PAPPA2: variants seen among roughly 807,000 people sequenced by gnomAD.
The protein encoded by PAPPA2 is pappalysin 2.
PAPPA2 carries 86 observed loss-of-function variants against 176.4 expected under a neutral mutation model. The observed-to-expected ratio is 0.49, with a 90% CI of 0.41 to 0.58. PAPPA2 has a LOEUF of 0.58. Ranked by LOEUF, PAPPA2 falls within the 20% of genes least tolerant of loss-of-function variation. PAPPA2 has a pLI of 0.00. For missense variants in PAPPA2, 2,073 were observed against 2,256.9 expected, an observed-to-expected ratio of 0.92 and a Z score of 1.65; for synonymous variants, 809 against 852.2, an observed-to-expected ratio of 0.95 and a Z score of 0.88.
chr1:176,569,276 A>G (rs1345865395), intron 2 of PAPPA2, among the ~76,000 whole-genome samples: 1 of 152,172 alleles, frequency 6.6e-6, no homozygotes, highest in African/African-American at 2.4e-5. Context: ...AGTGCCACAG[A>G]TACAGCACTC....
intron 1 of PAPPA2, among the ~76,000 whole-genome samples, chr1:176,464,357 T>G (rs1431218157): frequency 6.6e-6 from 1 of 152,206 alleles, no homozygotes; most frequent in Non-Finnish European, 1.5e-5. Context: ...TCATTCTTTC[T>G]TTCCTTTCAA....
intron 1 of PAPPA2, among the ~76,000 whole-genome samples, chr1:176,498,581 C>A (rs1436293929): frequency 6.6e-6 from 1 of 151,918 alleles, no homozygotes; most frequent in African/African-American, 2.4e-5. Flanking sequence ...GAAACCCAGT[C>A]TCTCCTAAAA....
chr1:176,824,879 G>C (rs1666797217), intron 21 of PAPPA2, among the ~76,000 whole-genome samples: 1 of 152,204 alleles, frequency 6.6e-6, no homozygotes, highest in Admixed American at 6.5e-5. Flanking sequence ...CTGAAATGCT[G>C]TTAGGGTCTG....
At chr1:176,579,750 T>C (rs1388030267) in intron 2 of PAPPA2, among the ~76,000 whole-genome samples, 7 of 152,232 alleles carry the variant, frequency 4.6e-5, no homozygotes, top group Non-Finnish European at 1.0e-4. Context: ...TACTGGCATT[T>C]GCTAACTGTG....
At chr1:176,669,630 A>G (rs765249749) in intron 3 of PAPPA2, among the ~76,000 whole-genome samples, 9 of 152,178 alleles carry the variant, frequency 5.9e-5, no homozygotes, top group Non-Finnish European at 5.9e-5. Flanking sequence ...TAAGTCAGTA[A>G]AAGATAGTAT....
At chr1:176,784,994 T>A (rs1664874309) in intron 17 of PAPPA2, among the ~76,000 whole-genome samples, 1 of 152,130 alleles carries the variant, frequency 6.6e-6, no homozygotes, top group East Asian at 1.9e-4. Context: ...GTGACTTAAT[T>A]ACCTTCCAAA....
At chr1:176,591,173 G>A (rs1299692924) in intron 2 of PAPPA2, among the ~76,000 whole-genome samples, 1 of 150,688 alleles carries the variant, frequency 6.6e-6, no homozygotes, top group Non-Finnish European at 1.5e-5. Context: ...TTATATAAAG[G>A]CAGGTTCTGA....
intron 4 of PAPPA2, among the ~76,000 whole-genome samples, chr1:176,681,941 G>A (rs895669588): frequency 1.3e-5 from 2 of 152,102 alleles, no homozygotes; most frequent in African/African-American, 2.4e-5. Context: ...GGGTTGGTAC[G>A]GGTAGGACCA....
intron 14 of PAPPA2, among the ~76,000 whole-genome samples, chr1:176,749,871 TA>T (rs1489138290): frequency 1.3e-5 from 2 of 152,228 alleles, no homozygotes; most frequent in African/African-American, 4.8e-5. Flanking sequence ...TTTATCCATA[TA>T]CCTATTGAAG....
intron 12 of PAPPA2, among the ~76,000 whole-genome samples, chr1:176,723,956 G>A (rs1467415196): frequency 6.6e-6 from 1 of 152,110 alleles, no homozygotes; most frequent in Non-Finnish European, 1.5e-5. Context: ...TTTTACAGGT[G>A]AGTAAAATAA....
intron 20 of PAPPA2, among the ~76,000 whole-genome samples, chr1:176,796,631 T>TC (rs397982046): frequency 5.3e-5 from 8 of 150,538 alleles, no homozygotes; most frequent in Non-Finnish European, 1.2e-4. Flanking sequence ...TTTCTTTCTT[T>TC]TTCTTTCTTT....
At chr1:176,618,389 C>T (rs1655396011) in intron 3 of PAPPA2, among the ~76,000 whole-genome samples, 2 of 152,120 alleles carry the variant, frequency 1.3e-5, no homozygotes, top group Non-Finnish European at 2.9e-5. Context: ...TCTTAGTTAC[C>T]ATACCAAAAT....
chr1:176,640,548 C>T (rs1301844259), intron 3 of PAPPA2, among the ~76,000 whole-genome samples: 1 of 151,800 alleles, frequency 6.6e-6, no homozygotes, highest in East Asian at 1.9e-4. Flanking sequence ...CATAGTATTC[C>T]ATGGTGTATA....
At chr1:176,638,771 A>G (rs781311896) in intron 3 of PAPPA2, among the ~76,000 whole-genome samples, 3 of 151,876 alleles carry the variant, frequency 2.0e-5, no homozygotes, top group Non-Finnish European at 4.4e-5. Context: ...GAGCTTTGTG[A>G]AAGTTCCTCC....
At chr1:176,528,219 T>C (rs923267583) in intron 1 of PAPPA2, among the ~76,000 whole-genome samples, 10 of 152,174 alleles carry the variant, frequency 6.6e-5, no homozygotes, top group African/African-American at 9.7e-5. Context: ...TGGTCCAAGA[T>C]AGACTGAAGA....
intron 12 of PAPPA2, among the ~76,000 whole-genome samples, chr1:176,730,869 A>G (rs1258029004): frequency 6.6e-6 from 1 of 151,858 alleles, no homozygotes; most frequent in East Asian, 1.9e-4. Flanking sequence ...TTTTAATAGC[A>G]TTTTGTTTGT....
intron 3 of PAPPA2, among the ~76,000 whole-genome samples, chr1:176,640,797 G>C (rs1414281754): frequency 6.7e-6 from 1 of 149,202 alleles, no homozygotes; most frequent in African/African-American, 2.4e-5. Context: ...CTAGTTTACA[G>C]TCCCACCAAC....
intron 3 of PAPPA2, among the ~76,000 whole-genome samples, chr1:176,628,715 T>A (rs1355058213): frequency 1.3e-5 from 2 of 152,168 alleles, no homozygotes; most frequent in East Asian, 3.9e-4. Context: ...TTTTAAAAGT[T>A]TCCTTTAAAA....
intron 3 of PAPPA2, among the ~76,000 whole-genome samples, chr1:176,665,339 T>C (rs1658580506): frequency 6.6e-6 from 1 of 152,138 alleles, no homozygotes; most frequent in South Asian, 2.1e-4. Context: ...ACACTGGCAA[T>C]GGTATTTATC....
Sources: allele counts gnomAD v4.1 joint callset (sites outside exome capture counted in the v4.1 genomes callset), GRCh38; gene constraint gnomAD v4.1.1; transcripts MANE v1.5; gene names NCBI Gene and HGNC (gene_info 2026-07-23, HGNC 2026-07-21).